The following PARD3B variants were observed in gnomAD, a reference collection of about 807,000 sequenced individuals.
PARD3B encodes the protein partitioning defective 3 homolog B.
Under a neutral mutation model 130.2 loss-of-function variants are expected in PARD3B, and 103 were observed. The ratio of observed to expected loss-of-function variants is 0.79; its 90% CI spans 0.67 to 0.93. The LOEUF is 0.93. Ranked by LOEUF, PARD3B falls within the 40% of genes least tolerant of loss-of-function variation. The probability of loss-of-function intolerance (pLI) is 0.00; values close to 1 mark genes in which losing one functional copy is unlikely to be tolerated. For missense variants in PARD3B, 1,609 were observed against 1,499.2 expected, an observed-to-expected ratio of 1.07 and a Z score of -1.21; for synonymous variants, 583 against 553.2, an observed-to-expected ratio of 1.05 and a Z score of -0.76.
intron 2 of PARD3B, among the ~76,000 whole-genome samples, chr2:204,963,264 A>G (rs973224195): frequency 1.3e-5 from 2 of 152,262 alleles, no homozygotes; most frequent in Non-Finnish European, 2.9e-5. Context: ...TGTGGATAAA[A>G]TGTATGGAAA....
At chr2:204,628,278 G>GTTTT (rs35913282) in intron 1 of PARD3B, among the ~76,000 whole-genome samples, 1,909 of 147,334 alleles carry the variant, frequency 0.013, 52 homozygotes, top group African/African-American at 0.044. Context: ...CTAAATTCCC[G>GTTTT]TTTTTTTTTT....
At chr2:204,668,576 C>G (rs948281034) in intron 1 of PARD3B, among the ~76,000 whole-genome samples, 3 of 152,112 alleles carry the variant, frequency 2.0e-5, no homozygotes, top group Non-Finnish European at 4.4e-5. Context: ...AATTTGTAAC[C>G]CTTTTCATTC....
At chr2:204,797,956 G>T (rs1459080147) in intron 2 of PARD3B, among the ~76,000 whole-genome samples, 7 of 152,154 alleles carry the variant, frequency 4.6e-5, no homozygotes, top group Non-Finnish European at 8.8e-5. Context: ...ATAGTCACAT[G>T]AAAGGATACT....
chr2:205,138,933 A>G (rs760459430), intron 10 of PARD3B, among the ~76,000 whole-genome samples: 6 of 152,088 alleles, frequency 3.9e-5, no homozygotes, highest in Non-Finnish European at 8.8e-5. Context: ...CCTTCCTCCA[A>G]TCCTCTACTG....
chr2:205,414,175 G>C (rs957478344), intron 19 of PARD3B, among the ~76,000 whole-genome samples: 1 of 152,152 alleles, frequency 6.6e-6, no homozygotes, highest in Admixed American at 6.5e-5. Context: ...GGAGGCAATA[G>C]GACTAAACTC....
chr2:204,631,064 T>C (rs1005339403), intron 1 of PARD3B, among the ~76,000 whole-genome samples: 2 of 152,106 alleles, frequency 1.3e-5, no homozygotes, highest in Admixed American at 1.3e-4. Flanking sequence ...TGGAGATCTT[T>C]GTAGTTTTTT....
At chr2:205,481,641 C>G (rs1314324666) in intron 20 of PARD3B, among the ~76,000 whole-genome samples, 2 of 152,182 alleles carry the variant, frequency 1.3e-5, no homozygotes, top group Non-Finnish European at 2.9e-5. Context: ...GCACCAGGCA[C>G]TATTCTAATT....
intron 3 of PARD3B, among the ~76,000 whole-genome samples, chr2:204,985,060 T>C (rs1197697925): frequency 6.6e-6 from 1 of 152,138 alleles, no homozygotes; most frequent in African/African-American, 2.4e-5. Context: ...ACAAATTCAA[T>C]GGTAATATTG....
chr2:204,763,610 A>C (rs2041004647), intron 2 of PARD3B, among the ~76,000 whole-genome samples: 1 of 152,232 alleles, frequency 6.6e-6, no homozygotes, highest in Admixed American at 6.5e-5. Flanking sequence ...GGAGATAAAC[A>C]GTGCATTTTT....
chr2:205,052,969 G>GT (rs1382191249), intron 4 of PARD3B, among the ~76,000 whole-genome samples: 1 of 152,126 alleles, frequency 6.6e-6, no homozygotes, highest in African/African-American at 2.4e-5. Flanking sequence ...TGTCCTGTGT[G>GT]TTCTACTGAG....
At chr2:205,191,283 A>G (rs1317107003) in intron 14 of PARD3B, among the ~76,000 whole-genome samples, 1 of 152,192 alleles carries the variant, frequency 6.6e-6, no homozygotes, top group Non-Finnish European at 1.5e-5. Flanking sequence ...TTCTCAATAT[A>G]TAACGTAACT....
intron 19 of PARD3B, among the ~76,000 whole-genome samples, chr2:205,419,117 T>C (rs1312025262): frequency 1.3e-5 from 2 of 152,148 alleles, no homozygotes; most frequent in African/African-American, 2.4e-5. Context: ...AAATCTCATC[T>C]TGAATTGCAG....
Position 205,132,090 on chromosome 2 carries a change from A to T in PARD3B, c.1434+6353A>T, listed in dbSNP as rs151297997. On this transcript the variant is annotated intron_variant, in intron 10 of 22. Coordinates refer to ENST00000406610, the MANE Select transcript of PARD3B (RefSeq NM_001302769.2). ...AATGAGATGCATGTAAAATGCTTAC[A>T]TTGGGCCACAGAGAATGGGATTTAA... 2.0e-3 allele frequency among the ~76,000 whole-genome samples: 299 copies of T among 152,318 alleles called. 1 individual carries two copies. The highest frequency in any genetic ancestry group is 6.8e-3 in the African/African-American group (282 of 41,574).
chr2:204,570,070 A>G (rs1288746138), intron 1 of PARD3B, among the ~76,000 whole-genome samples: 1 of 152,164 alleles, frequency 6.6e-6, no homozygotes, highest in African/African-American at 2.4e-5. Flanking sequence ...TGTGCTGATC[A>G]TTACTGTTGG....
intron 18 of PARD3B, among the ~76,000 whole-genome samples, chr2:205,364,491 A>G (rs2044523887): frequency 6.6e-6 from 1 of 152,190 alleles, no homozygotes; most frequent in African/African-American, 2.4e-5. Flanking sequence ...CTGCCAAGCA[A>G]GGTTGGCCTG....
At chr2:204,881,357 T>A (rs114627363) in intron 2 of PARD3B, among the ~76,000 whole-genome samples, 6,720 of 152,324 alleles carry the variant, frequency 0.044, 203 homozygotes, top group Middle Eastern at 0.095. Context: ...AAAGTCAAGA[T>A]CTACACGTTG....
intron 19 of PARD3B, among the ~76,000 whole-genome samples, chr2:205,422,887 G>C (rs762971584): frequency 1.6e-4 from 20 of 126,854 alleles, no homozygotes; most frequent in Non-Finnish European, 2.7e-4. Flanking sequence ...CAGACAGTAG[G>C]CTCCCATGGA....
chr2:204,705,027 T>C (rs2038069051), intron 2 of PARD3B, among the ~76,000 whole-genome samples: 1 of 152,154 alleles, frequency 6.6e-6, no homozygotes, highest in Admixed American at 6.5e-5. Flanking sequence ...GTTAAGCTGT[T>C]TGGGCACAAA....
At chr2:205,390,079 TTTTTA>T (rs1380175574) in intron 18 of PARD3B, among the ~76,000 whole-genome samples, 2 of 141,212 alleles carry the variant, frequency 1.4e-5, no homozygotes, top group African/African-American at 6.3e-5. Flanking sequence ...ATAATAACTC[TTTTTA>T]TTGTTTAAGC....
Sources: gnomAD v4.1 joint callset for allele counts (sites outside exome capture counted in the v4.1 genomes callset) on GRCh38, gnomAD v4.1.1 for gene constraint, MANE v1.5 for transcripts, NCBI Gene and HGNC (gene_info 2026-07-23, HGNC 2026-07-21) for gene names.